The following FEZ2 variants were observed in gnomAD, a reference collection of about 807,000 sequenced individuals.
The protein encoded by FEZ2 is fasciculation and elongation protein zeta-2.
FEZ2 carries 51 observed loss-of-function variants against 40.4 expected under a neutral mutation model. The observed-to-expected ratio is 1.26, with a 90% CI of 1.01 to 1.59. The LOEUF is 1.59. FEZ2 is among the 40% of genes most tolerant of loss of function. FEZ2 has a pLI of 0.00. For missense variants in FEZ2, 640 were observed against 438.3 expected, an observed-to-expected ratio of 1.46 and a Z score of -4.11; for synonymous variants, 242 against 172.0, an observed-to-expected ratio of 1.41 and a Z score of -3.18.
intron 2 of FEZ2, among the ~76,000 whole-genome samples, chr2:36,584,806 T>C (rs1424222186): frequency 6.6e-6 from 1 of 152,162 alleles, no homozygotes; most frequent in Non-Finnish European, 1.5e-5. Flanking sequence ...GCATCTGAAG[T>C]TTGCAGGTGA....
intron 5 of FEZ2, among the ~76,000 whole-genome samples, chr2:36,562,544 G>A (rs1668120945): frequency 6.6e-6 from 1 of 152,168 alleles, no homozygotes; most frequent in South Asian, 2.1e-4. Context: ...TTGCAAGCCA[G>A]TTTTGCTTCA....
intron 7 of FEZ2, among the ~76,000 whole-genome samples, chr2:36,555,005 G>C (rs959608759): frequency 2.6e-5 from 4 of 152,140 alleles, no homozygotes; most frequent in African/African-American, 9.7e-5. Flanking sequence ...TCATCGTAAA[G>C]TATTAATTTT....
chr2:36,556,929 C>G lies in FEZ2; in HGVS notation c.980-1181G>C, dbSNP rs1019342622. The G allele has an allele frequency of 3.3e-5, 5 of 152,240 alleles. No homozygotes were observed. In the South Asian group the frequency reaches 6.2e-4, roughly 19 times the overall value. 9.4% of individuals were successfully genotyped at this position (152,240 alleles called of 1,614,324 possible). ...TTGGAAAGAAAAGGAGCTTTGGACC[C>G]AAATATGTCCAGAGATTCCAAACTG... On this transcript the variant is annotated intron_variant, in intron 6 of 7. Coordinates refer to ENST00000405912, the MANE Select transcript of FEZ2 (RefSeq NM_005102.3).
intron 5 of FEZ2, among the ~76,000 whole-genome samples, chr2:36,568,516 G>T (rs926009742): frequency 6.6e-6 from 1 of 152,132 alleles, no homozygotes; most frequent in African/African-American, 2.4e-5. Context: ...GTGAAGAACT[G>T]GTGAAAATTC....
At chr2:36,573,374 T>C (rs2125230371) in intron 5 of FEZ2, among the ~76,000 whole-genome samples, 2 of 152,326 alleles carry the variant, frequency 1.3e-5, no homozygotes, top group Middle Eastern at 6.8e-3. Context: ...CATAACCTGG[T>C]GTTGTTCAAC....
At chr2:36,597,502 G>A (rs1290350900) in intron 1 of FEZ2, among the ~76,000 whole-genome samples, 1 of 152,250 alleles carries the variant, frequency 6.6e-6, no homozygotes, top group African/African-American at 2.4e-5. Flanking sequence ...CTGGCACTCA[G>A]CAGGTGCTTA....
chr2:36,555,018 C>T (rs1667918812), intron 7 of FEZ2, among the ~76,000 whole-genome samples: 1 of 152,130 alleles, frequency 6.6e-6, no homozygotes, highest in Admixed American at 6.5e-5. Context: ...TTAATTTTGC[C>T]TCTAATTAAG....
intron 5 of FEZ2, among the ~76,000 whole-genome samples, chr2:36,566,979 C>A (rs901986735): frequency 6.6e-6 from 1 of 152,092 alleles, no homozygotes; most frequent in Non-Finnish European, 1.5e-5. Flanking sequence ...CTCTATAGGA[C>A]TAAATAAATG....
intron 5 of FEZ2, chr2:36,561,412 G>C (rs1201745899): frequency 6.6e-6 from 1 of 152,198 alleles, no homozygotes; most frequent in African/African-American, 2.4e-5. Context: ...ATGCGAACTA[G>C]AAGATGGCAT....
chr2:36,598,112 A>G lies in FEZ2; in HGVS notation c.31T>C (p.Tyr11His). Residue 11 changes from tyrosine (Y) to histidine (H), a missense_variant, in exon 1 of 8, where the codon TAT becomes CAT. Transcript: ENST00000405912. MAADGDWQDF[Y>H]EFQEPARSLL... ...CTCCGGGCCGGCTCCTGGAACTCAT[A>G]GAAATCCTGCCAGTCCCCGTCCGCC... The G allele has an allele frequency of 2.0e-6, 3 of 1,488,488 alleles. No individual in the cohort carries two copies. The highest frequency in any genetic ancestry group is 2.7e-6 in the Non-Finnish European group (3 of 1,127,168). 92.2% of individuals were successfully genotyped at this position (1,488,488 alleles called of 1,614,324 possible). A position where few individuals can be genotyped will look rare whatever the true frequency, so the allele number is the denominator to read the frequency against.
At chr2:36,592,939 C>G (rs1373114714) in intron 1 of FEZ2, among the ~76,000 whole-genome samples, 1 of 152,196 alleles carries the variant, frequency 6.6e-6, no homozygotes, top group Non-Finnish European at 1.5e-5. Context: ...TCCTATTCTC[C>G]TCTCTGTTGG....
intron 5 of FEZ2, among the ~76,000 whole-genome samples, 159 bp downstream of exon 5, chr2:36,578,438 C>T (rs1668637385): frequency 6.6e-6 from 1 of 152,218 alleles, no homozygotes; most frequent in South Asian, 2.1e-4. Context: ...AGAAGCTGAG[C>T]ACAGCGGTAT....
chr2:36,590,921 C>T lies in FEZ2; in HGVS notation c.357G>A (p.Leu119=). The change falls in exon 2 of 8, where the codon CTG becomes CTA. Residue 119 remains leucine, a synonymous_variant. Coordinates refer to ENST00000405912, the MANE Select transcript of FEZ2 (RefSeq NM_005102.3). ...AACTTACCCCTTTTTCTGAGAGGTT[C>T]AGAGTAAGCAAGTGCAAGGTCCTAG... is the stretch of plus-strand genomic sequence containing the variant. ...SHTRTLHLLT[L]NLSEKGVSDS... The T allele has an allele frequency of 6.2e-7, 1 of 1,604,140 alleles. No individual in the cohort carries two copies. Among genetic ancestry groups the T allele is most frequent in the African/African-American group, 1.3e-5 (1 of 74,844 alleles).
At chr2:36,591,249 C>A in intron 1 of FEZ2, 1 of 521,016 alleles carries the variant, frequency 1.9e-6, no homozygotes, top group Non-Finnish European at 3.4e-6. Context: ...AGAAAACTGC[C>A]AATAGGCAGT....
intron 2 of FEZ2, among the ~76,000 whole-genome samples, chr2:36,588,320 G>A (rs756619760): frequency 3.3e-5 from 5 of 152,122 alleles, no homozygotes; most frequent in South Asian, 2.1e-4. Flanking sequence ...GAGCCACCGC[G>A]CCCAGCCAGG....
chr2:36,568,274 G>C (rs571796015), intron 5 of FEZ2, among the ~76,000 whole-genome samples: 2 of 152,172 alleles, frequency 1.3e-5, no homozygotes, highest in African/African-American at 4.8e-5. Flanking sequence ...ACATACCAAA[G>C]CGCCAACAGA....
chr2:36,557,415 T>A (rs1227922156), intron 6 of FEZ2: 1 of 152,230 alleles, frequency 6.6e-6, no homozygotes, highest in Non-Finnish European at 1.5e-5. Flanking sequence ...AGCTCCAAGT[T>A]AGCAGGCAGG....
chr2:36,589,112 T>C (rs1668994602), intron 2 of FEZ2, among the ~76,000 whole-genome samples: 1 of 152,222 alleles, frequency 6.6e-6, no homozygotes, highest in Non-Finnish European at 1.5e-5. Flanking sequence ...AAAAGGTATC[T>C]TCAAACTTAC....
At chr2:36,581,082 C>T (rs1573021681) in intron 4 of FEZ2, among the ~76,000 whole-genome samples, 1 of 152,218 alleles carries the variant, frequency 6.6e-6, no homozygotes, top group Admixed American at 6.5e-5. Flanking sequence ...CCGGGAGGCA[C>T]AGGTTGCAGT....
Sources: allele counts gnomAD v4.1 joint callset (sites outside exome capture counted in the v4.1 genomes callset), GRCh38; gene constraint gnomAD v4.1.1; transcripts MANE v1.5; gene names NCBI Gene and HGNC (gene_info 2026-07-23, HGNC 2026-07-21).